Variants in SPP2 observed in about 807,000 individuals in gnomAD.
SPP2 encodes the protein secreted phosphoprotein 24.
SPP2 carries 34 observed loss-of-function variants against 28.8 expected under a neutral mutation model. The ratio of observed to expected loss-of-function variants is 1.18; its 90% CI spans 0.90 to 1.57. The LOEUF is 1.57. Among genes scored for constraint, SPP2 ranks in the 40% most tolerant of loss-of-function variants. SPP2 has a pLI of 0.00. For missense variants in SPP2, 269 were observed against 263.9 expected (o/e 1.02, Z -0.13); for synonymous variants, 96 against 89.4 (o/e 1.07, Z -0.42).
chr2:234,053,197 G>A (rs761685388), intron 2 of SPP2, among the ~76,000 whole-genome samples: 13 of 152,186 alleles, frequency 8.5e-5, no homozygotes, highest in African/African-American at 1.4e-4. Context: ...ACTGCCGCTC[G>A]AGAGTTTGGA....
At chr2:234,058,715 T>G in intron 2 of SPP2, 121 bp from the exon 3 acceptor site, 2 of 1,170,442 alleles carry the variant, frequency 1.7e-6, no homozygotes, top group South Asian at 1.7e-5. Context: ...GCTAAGATAA[T>G]TTATTGCTTT....
Position 234,063,842 on chromosome 2 carries a change from C to T in SPP2, c.445-2691C>T, listed in dbSNP as rs56821121. ...ATGAAGTCAGCTAGGGTTTCCGACA[C>T]GAGACCCAAAATAAGAGAGAGAAAC... is the stretch of plus-strand genomic sequence containing the variant. On this transcript the variant is annotated intron_variant, in intron 4 of 7. Transcript: ENST00000168148. 1.2e-4 allele frequency among the ~76,000 whole-genome samples: 19 copies of T among 152,210 alleles called. No individual in the cohort carries two copies. The East Asian group carries it at 2.1e-3, about 17-fold the overall frequency.
At chr2:234,065,239 T>A (rs1693793526) in intron 4 of SPP2, among the ~76,000 whole-genome samples, 1 of 152,210 alleles carries the variant, frequency 6.6e-6, no homozygotes, top group Admixed American at 6.5e-5. Context: ...CTGTCTTTTT[T>A]ATTTTAGCCA....
In SPP2 at chr2:234,066,209, C is replaced by T. The variant is rs143437444; in HGVS notation, c.445-324C>T. Among the ~76,000 whole-genome samples, 535 of 152,244 alleles carry T rather than the reference C, an allele frequency of 3.5e-3. 3 individuals carry two copies. Among genetic ancestry groups the T allele is most frequent in the African/African-American group, 0.012 (517 of 41,540 alleles). Reference sequence around the variant, plus strand: ...TTTATAGAGAGAAACCTCTAAAATTCGATCTAAACTTAGTCTGTGTGCAAG... The same window carrying T: ...TTTATAGAGAGAAACCTCTAAAATTTGATCTAAACTTAGTCTGTGTGCAAG... On this transcript the variant is annotated intron_variant, in intron 4 of 7. Coordinates refer to ENST00000168148, the MANE Select transcript of SPP2 (RefSeq NM_006944.3).
chr2:234,064,564 T>C (rs1195785380), intron 4 of SPP2, among the ~76,000 whole-genome samples: 1 of 152,224 alleles, frequency 6.6e-6, no homozygotes, highest in Non-Finnish European at 1.5e-5. Flanking sequence ...AAATACATTT[T>C]GGTGGAGATA....
At chr2:234,058,356 G>A (rs1693649510) in intron 2 of SPP2, among the ~76,000 whole-genome samples, 1 of 152,202 alleles carries the variant, frequency 6.6e-6, no homozygotes, top group Non-Finnish European at 1.5e-5. Context: ...TATGAGAGTT[G>A]AAACAAGAAG....
intron 3 of SPP2, among the ~76,000 whole-genome samples, chr2:234,059,933 T>C (rs1049036467): frequency 2.0e-5 from 3 of 152,196 alleles, no homozygotes; most frequent in African/African-American, 7.2e-5. Flanking sequence ...AAGAGGATGT[T>C]TGATTTGTTA....
At chr2:234,054,536 T>G (rs1331320310) in intron 2 of SPP2, among the ~76,000 whole-genome samples, 4 of 152,188 alleles carry the variant, frequency 2.6e-5, no homozygotes, top group African/African-American at 9.7e-5. Context: ...GGCCCTCTTC[T>G]GGGCTGCAGA....
chr2:234,064,358 T>C (rs779059036), intron 4 of SPP2, among the ~76,000 whole-genome samples: 11 of 152,298 alleles, frequency 7.2e-5, no homozygotes, highest in East Asian at 1.9e-4. Flanking sequence ...TCCAGACTTA[T>C]GTCCTCTGTA....
At chr2:234,053,192 C>T (rs960755361) in intron 2 of SPP2, among the ~76,000 whole-genome samples, 4 of 151,930 alleles carry the variant, frequency 2.6e-5, no homozygotes, top group African/African-American at 4.8e-5. Flanking sequence ...TCACAACTGC[C>T]GCTCGAGAGT....
At chr2:234,064,078 C>T (rs1372985057) in intron 4 of SPP2, among the ~76,000 whole-genome samples, 1 of 151,902 alleles carries the variant, frequency 6.6e-6, no homozygotes, top group East Asian at 1.9e-4. Flanking sequence ...CTGTATGTGC[C>T]ACATTCTTCT....
At chr2:234,060,545 C>A in intron 4 of SPP2, 66 bp downstream of exon 4, 1 of 1,339,910 alleles carries the variant, frequency 7.5e-7, no homozygotes, top group Non-Finnish European at 1.0e-6. Context: ...TTGTGAAAAA[C>A]AGAGTGGTTT....
chr2:234,074,174 C>A (rs928439274), intron 7 of SPP2, among the ~76,000 whole-genome samples: 6 of 152,046 alleles, frequency 3.9e-5, no homozygotes, highest in African/African-American at 1.2e-4. Context: ...CCCTGTTTTT[C>A]TCATATCTCT....
chr2:234,074,903 G>T (rs1376092560), intron 7 of SPP2, among the ~76,000 whole-genome samples: 1 of 151,044 alleles, frequency 6.6e-6, no homozygotes, highest in East Asian at 1.9e-4. Flanking sequence ...TTCTCTGTAA[G>T]GCACATCACA....
chr2:234,062,381 C>G (rs1287821101), intron 4 of SPP2, among the ~76,000 whole-genome samples: 2 of 152,056 alleles, frequency 1.3e-5, no homozygotes. Context: ...CCCTGAATTG[C>G]CAGGAAAGCT....
intron 7 of SPP2, among the ~76,000 whole-genome samples, chr2:234,075,552 C>G (rs538309223): frequency 3.3e-5 from 5 of 152,272 alleles, no homozygotes; most frequent in Non-Finnish European, 5.9e-5. Flanking sequence ...AGATTTGGTC[C>G]CCTCTCAGGC....
intron 3 of SPP2, 47 bp from the exon 4 acceptor site, chr2:234,060,322 T>C: frequency 1.4e-6 from 2 of 1,379,672 alleles, no homozygotes; most frequent in Non-Finnish European, 2.1e-6. Flanking sequence ...AGGCTATCCC[T>C]TTCCACAAAC....
At chr2:234,055,928 T>G (rs1559171579) in intron 2 of SPP2, 1 of 152,146 alleles carries the variant, frequency 6.6e-6, no homozygotes, top group African/African-American at 2.4e-5. Flanking sequence ...ACTTTAAGTT[T>G]TAGGGTACAT....
At chr2:234,064,599 C>T (rs1185733617) in intron 4 of SPP2, among the ~76,000 whole-genome samples, 5 of 152,064 alleles carry the variant, frequency 3.3e-5, no homozygotes, top group Admixed American at 2.6e-4. Flanking sequence ...TAGAATTCAC[C>T]CTTTTAATAT....
Sources: allele counts gnomAD v4.1 joint callset (sites outside exome capture counted in the v4.1 genomes callset), GRCh38; gene constraint gnomAD v4.1.1; transcripts MANE v1.5; gene names NCBI Gene and HGNC (gene_info 2026-07-23, HGNC 2026-07-21).